The following TTC3 variants were observed in gnomAD, a reference collection of about 807,000 sequenced individuals.
TTC3 encodes tetratricopeptide repeat domain 3.
In TTC3, 180 loss-of-function variants were observed where a neutral mutation model predicts 249.6. That is an observed-to-expected ratio of 0.72 (90% CI 0.64 to 0.82). The LOEUF is 0.82. TTC3 is among the 40% of genes least tolerant of loss of function. The probability of loss-of-function intolerance (pLI) is 0.00; values close to 1 mark genes in which losing one functional copy is unlikely to be tolerated. For missense variants in TTC3, 2,061 were observed against 2,398.4 expected, an observed-to-expected ratio of 0.86 and a Z score of 2.94; for synonymous variants, 717 against 805.0, an observed-to-expected ratio of 0.89 and a Z score of 1.85.
rs572494229 is a variant in TTC3 at position 37,128,611 on chromosome 21, T to C, written c.1298-392T>C. 9.8e-4 allele frequency among the ~76,000 whole-genome samples: 150 copies of C among 152,312 alleles called. 1 individual carries two copies. The highest frequency in any genetic ancestry group is 1.8e-3 in the Non-Finnish European group (124 of 68,028). ...TCCCTTTTGTGAGTTGTGAGAGATA[T>C]TACTGACTATGCAATTTATATGTCA... On this transcript the variant is annotated intron_variant, in intron 15 of 45. Coordinates refer to ENST00000355666, the Ensembl canonical transcript of TTC3.
In TTC3 at chr21:37,144,591, A is replaced by T. The variant is rs768296516; in HGVS notation, c.1839A>T (p.Leu613Phe). The change falls in exon 21 of 46, where the codon TTA becomes TTT. Residue 613 changes from leucine (L) to phenylalanine (F), a missense_variant. Leu to Phe is a conservative substitution (Grantham distance 22). Around this residue, in one of 3 missense-constraint regions of TTC3, gnomAD observed 989 missense variants for 1,145.1 expected, o/e 0.86. Transcript: ENST00000355666. ...TGATTTATCGTCTTCCTGGAGTGTTAACTTGGCCCACGAGTAATGTGATTA... is the reference window on the plus strand; with the variant it reads ...TGATTTATCGTCTTCCTGGAGTGTTTACTTGGCCCACGAGTAATGTGATTA... 19 of 1,612,500 alleles carry T rather than the reference A, an allele frequency of 1.2e-5. No homozygotes were observed. In the South Asian group the frequency reaches 2.1e-4, roughly 18 times the overall value.
intron 35 of TTC3, among the ~76,000 whole-genome samples, chr21:37,180,957 A>G (rs2082706490): frequency 6.6e-6 from 1 of 152,190 alleles, no homozygotes; most frequent in South Asian, 2.1e-4. Flanking sequence ...AATTGAGAAA[A>G]AGAAATTGTT....
At chr21:37,119,413 T>G (rs958898794) in intron 11 of TTC3, among the ~76,000 whole-genome samples, 1 of 152,162 alleles carries the variant, frequency 6.6e-6, no homozygotes, top group Non-Finnish European at 1.5e-5. Context: ...TGTTAACCTT[T>G]CAGGTTGTTC....
chr21:37,196,016 G>A (rs754230642), exon 42 of TTC3: 18 of 1,614,058 alleles, frequency 1.1e-5, no homozygotes, highest in Admixed American at 1.7e-5. Context: ...ACCTGTCAGT[G>A]GTATTCCCAT....
chr21:37,182,461 C>G (rs1047311945), intron 35 of TTC3, among the ~76,000 whole-genome samples: 3 of 152,236 alleles, frequency 2.0e-5, no homozygotes, highest in Non-Finnish European at 4.4e-5. Context: ...CATGCATACA[C>G]TCCCTGTAGA....
intron 1 of TTC3, among the ~76,000 whole-genome samples, chr21:37,074,162 GA>G (rs1282631957): frequency 2.6e-5 from 4 of 152,144 alleles, no homozygotes; most frequent in African/African-American, 9.7e-5. Flanking sequence ...ACGGACCCAG[GA>G]GGGGGGTAAC....
At chr21:37,138,657 C>G (rs1306081296) in exon 19 of TTC3, 1 of 1,612,010 alleles carries the variant, frequency 6.2e-7, no homozygotes, top group East Asian at 2.2e-5. Flanking sequence ...CCATGATTAA[C>G]TATGTTTTGG....
intron 1 of TTC3, chr21:37,081,773 T>G (rs1408992344): frequency 6.6e-6 from 1 of 152,154 alleles, no homozygotes; most frequent in Non-Finnish European, 1.5e-5. Flanking sequence ...GGCATATATT[T>G]TAGTTCACCA....
chr21:37,124,026 G>A (rs2076844243), intron 13 of TTC3, among the ~76,000 whole-genome samples: 1 of 151,588 alleles, frequency 6.6e-6, no homozygotes, highest in South Asian at 2.1e-4. Flanking sequence ...TGAGATTACA[G>A]GAGTGAGCCA....
exon 41 of TTC3, chr21:37,192,126 A>G (rs757234741): frequency 1.2e-6 from 2 of 1,601,096 alleles, no homozygotes; most frequent in East Asian, 4.5e-5. Context: ...AGTTTGAAGA[A>G]CAAATTAAGG....
In TTC3 at chr21:37,077,266, T is replaced by A. The variant is rs187350866; in HGVS notation, c.-12+3902T>A. The stretch of plus-strand genomic sequence containing the variant: ...ATCTTATGGTGATATTTTTTAAATG[T>A]CATCTTAATGGGTAAAGGGTATGCA... On this transcript the variant is annotated intron_variant, in intron 1 of 45. Transcript: ENST00000355666. Among the ~76,000 whole-genome samples the A allele has an allele frequency of 7.9e-5, 12 of 152,224 alleles. No homozygotes were observed. In the East Asian group the frequency reaches 2.3e-3, roughly 29 times the overall value.
chr21:37,151,822 G>A (rs1007997495), intron 25 of TTC3, 71 bp from the exon 26 acceptor site: 29 of 1,443,746 alleles, frequency 2.0e-5, no homozygotes, highest in Admixed American at 1.9e-4. Flanking sequence ...TATATTGCTT[G>A]GAAGATGGTT....
intron 9 of TTC3, 35 bp from the exon 10 acceptor site, chr21:37,096,546 T>C: frequency 6.7e-7 from 1 of 1,490,204 alleles, no homozygotes; most frequent in South Asian, 1.2e-5. Flanking sequence ...TCATGTGTAA[T>C]GTGCTTTACT....
Position 37,124,533 on chromosome 21 carries a change from G to C in TTC3, c.1110-86G>C, listed in dbSNP as rs115503943. On this transcript the variant is annotated intron_variant, in intron 13 of 45. Coordinates refer to ENST00000355666, the Ensembl canonical transcript of TTC3. ...AAAACAATAATACCTTGCTTTCAAG[G>C]AAAAAAGGCTGTGATTGCTGCAACC... The C allele has an allele frequency of 2.6e-3, 3,755 of 1,444,792 alleles. 76 individuals carry two copies. In the African/African-American group the frequency reaches 0.043, roughly 17 times the overall value. The allele number at this position is 1,444,792 out of a possible 1,614,324, so 89.5% of individuals were successfully genotyped here.
At chr21:37,106,838 A>G (rs531111396) in intron 10 of TTC3, among the ~76,000 whole-genome samples, 1 of 152,318 alleles carries the variant, frequency 6.6e-6, no homozygotes, top group East Asian at 1.9e-4. Context: ...TCAAGGCTGT[A>G]GTGAGAGGGA....
chr21:37,133,744 G>T (rs770951403), intron 17 of TTC3, among the ~76,000 whole-genome samples: 3 of 152,120 alleles, frequency 2.0e-5, no homozygotes, highest in Non-Finnish European at 4.4e-5. Flanking sequence ...GTATGGATCT[G>T]ATTTCTAGAC....
intron 1 of TTC3, chr21:37,085,943 A>T (rs2072409953): frequency 6.6e-6 from 1 of 152,242 alleles, no homozygotes; most frequent in Non-Finnish European, 1.5e-5. Context: ...GCTTGGTGAC[A>T]TGAGCAAATT....
At chr21:37,141,417 C>CCT (rs368537483) in intron 20 of TTC3, among the ~76,000 whole-genome samples, 1 of 151,692 alleles carries the variant, frequency 6.6e-6, no homozygotes, top group Admixed American at 6.6e-5. Flanking sequence ...GGGAATCCCC[C>CCT]CCCCAGCCAT....
At chr21:37,139,393 A>T (rs117896135) in intron 19 of TTC3, among the ~76,000 whole-genome samples, 4,169 of 152,144 alleles carry the variant, frequency 0.027, 83 homozygotes, top group Middle Eastern at 0.082. Context: ...ACCTACCTAT[A>T]CTGTTTGGCA....
Sources: allele counts gnomAD v4.1 joint callset (sites outside exome capture counted in the v4.1 genomes callset), GRCh38; gene constraint gnomAD v4.1.1; regional missense constraint gnomAD v4.1.1; transcripts MANE v1.5; gene names NCBI Gene and HGNC (gene_info 2026-07-23, HGNC 2026-07-21).